TTC39C: variants seen among roughly 807,000 people sequenced by gnomAD.
The protein encoded by TTC39C is tetratricopeptide repeat protein 39C.
TTC39C carries 33 observed loss-of-function variants against 76.3 expected under a neutral mutation model. The observed-to-expected ratio is 0.43, with a 90% CI of 0.33 to 0.58. The LOEUF is 0.58. TTC39C is among the 20% of genes least tolerant of loss of function. The probability of loss-of-function intolerance (pLI) is 0.04; values close to 1 mark genes in which losing one functional copy is unlikely to be tolerated. For missense variants in TTC39C, 595 were observed against 701.4 expected (o/e 0.85, Z 1.71); for synonymous variants, 254 against 260.6 (o/e 0.97, Z 0.24).
At position 24,069,150 on chromosome 18, in the gene TTC39C, C is replaced by T. The variant is rs1347481891; in HGVS notation, c.346-7C>T. The T allele has an allele frequency of 6.2e-7, 1 of 1,610,898 alleles. No individual in the cohort carries two copies. The highest frequency in any genetic ancestry group is 8.5e-7 in the Non-Finnish European group (1 of 1,177,280). ...TTATCAGTGTGGACATTCTTTCTGC[C>T]AAACAGGTTGATGTCCGAAAATCCG... On this transcript the variant is annotated splice_polypyrimidine_tract_variant and splice_region_variant and intron_variant, in intron 3 of 13. Transcript: ENST00000317571.
intron 4 of TTC39C, among the ~76,000 whole-genome samples, chr18:24,075,454 TG>T (rs2084292418): frequency 6.6e-6 from 1 of 151,560 alleles, no homozygotes; most frequent in South Asian, 2.1e-4. Context: ...GAGGCCGAAG[TG>T]GGTGGATTGC....
At chr18:24,113,409 G>A in intron 6 of TTC39C, 1 of 593,582 alleles carries the variant, frequency 1.7e-6, no homozygotes, top group Admixed American at 3.0e-5. Context: ...TGAGAAGCCT[G>A]CAGCTTCTCC....
intron 1 of TTC39C, among the ~76,000 whole-genome samples, chr18:24,026,100 T>C (rs1236148114): frequency 6.6e-6 from 1 of 152,178 alleles, no homozygotes; most frequent in Non-Finnish European, 1.5e-5. Context: ...TCCCTTGCCA[T>C]GTGGATGGAG....
At chr18:24,029,360 T>G (rs1250071978) in intron 1 of TTC39C, among the ~76,000 whole-genome samples, 1 of 152,168 alleles carries the variant, frequency 6.6e-6, no homozygotes, top group African/African-American at 2.4e-5. Flanking sequence ...CCTTGGCTTC[T>G]TAAAGTGCTG....
chr18:24,061,728 C>T (rs1294548802), intron 1 of TTC39C, among the ~76,000 whole-genome samples: 1 of 151,612 alleles, frequency 6.6e-6, no homozygotes, highest in Non-Finnish European at 1.5e-5. Context: ...TATAGTGAAA[C>T]CCCGTCTGTA....
At chr18:24,010,406 C>T (rs1843842), upstream of TTC39C, among the ~76,000 whole-genome samples, 150,218 of 152,368 alleles carry the variant, frequency 0.99, 74,081 homozygotes, top group East Asian at 1. Context: ...GGCTAAAATA[C>T]GTAAGAAGGC....
In TTC39C at chr18:24,132,867, A is replaced by C. The variant is rs2085150631; in HGVS notation, c.*293A>C. 7.9e-6 allele frequency: 2 copies of C among 253,174 alleles called. No individual in the cohort carries two copies. The highest frequency in any genetic ancestry group is 1.6e-4 in the East Asian group (2 of 12,456). The allele number at this position is 253,174 out of a possible 1,614,324, so 15.7% of individuals were successfully genotyped here. ...TTTGTGATTTATTATTTTTAAAATA[A>C]AATCAAACGGAACATCCAACCCAAG... On this transcript the variant is annotated 3_prime_UTR_variant, in exon 14 of 14. Coordinates refer to ENST00000317571, the MANE Select transcript of TTC39C (RefSeq NM_001135993.2).
intron 6 of TTC39C, among the ~76,000 whole-genome samples, chr18:24,097,115 A>G (rs2084598943): frequency 6.6e-6 from 1 of 152,078 alleles, no homozygotes; most frequent in African/African-American, 2.4e-5. Flanking sequence ...ACAGTGGAGG[A>G]CTCTCTGGTG....
chr18:24,006,176 C>A (rs1173747221), intron 1 of TTC39C, among the ~76,000 whole-genome samples: 1 of 151,996 alleles, frequency 6.6e-6, no homozygotes, highest in African/African-American at 2.4e-5. Flanking sequence ...TCACGTCCAG[C>A]TAATTTTTGT....
chr18:24,132,655 A>T lies in TTC39C; in HGVS notation c.*81A>T, dbSNP rs2085147201. 1 of 1,236,852 alleles carries T rather than the reference A, an allele frequency of 8.1e-7. No individual in the cohort carries two copies. The highest frequency in any genetic ancestry group is 1.1e-6 in the Non-Finnish European group (1 of 882,694). The allele number at this position is 1,236,852 out of a possible 1,614,324, so 76.6% of individuals were successfully genotyped here. On this transcript the variant is annotated 3_prime_UTR_variant, in exon 14 of 14. Coordinates refer to ENST00000317571, the MANE Select transcript of TTC39C (RefSeq NM_001135993.2). ...AAAGCAGAGGACAAAGCTCTTGTGA[A>T]GATGGGCTTTTCTTCTGAAAACCAC...
intron 1 of TTC39C, among the ~76,000 whole-genome samples, chr18:24,023,979 TA>T (rs1568408988): frequency 0.053 from 540 of 10,280 alleles, 46 homozygotes; most frequent in Middle Eastern, 0.2. Context: ...TATATATATA[TA>T]CATATATATA....
intron 1 of TTC39C, among the ~76,000 whole-genome samples, chr18:24,055,730 GT>G (rs1409882394): frequency 6.6e-6 from 1 of 152,114 alleles, no homozygotes; most frequent in African/African-American, 2.4e-5. Flanking sequence ...AGGCACAGAA[GT>G]TTTAAATTTT....
intron 4 of TTC39C, among the ~76,000 whole-genome samples, chr18:24,078,554 C>T (rs769507256): frequency 6.6e-6 from 1 of 152,184 alleles, no homozygotes; most frequent in South Asian, 2.1e-4. Flanking sequence ...GGAAAAAGCA[C>T]ATGGGGTGGC....
intron 8 of TTC39C, among the ~76,000 whole-genome samples, chr18:24,119,014 A>G (rs957608353): frequency 6.6e-6 from 1 of 152,234 alleles, no homozygotes; most frequent in South Asian, 2.1e-4. Flanking sequence ...GGTCTGAGTC[A>G]TCTGCTCCAA....
intron 6 of TTC39C, among the ~76,000 whole-genome samples, chr18:24,102,110 A>C (rs1413757457): frequency 2.0e-5 from 3 of 152,240 alleles, no homozygotes; most frequent in Non-Finnish European, 4.4e-5. Context: ...AGGGTAAAGC[A>C]CTAAGCACAG....
intron 1 of TTC39C, among the ~76,000 whole-genome samples, chr18:24,007,202 G>A (rs1421114315): frequency 3.9e-5 from 6 of 152,180 alleles, no homozygotes; most frequent in Non-Finnish European, 8.8e-5. Flanking sequence ...CAATGCATAT[G>A]TCCTTGTAAA....
At chr18:24,026,485 T>C (rs554879994) in intron 1 of TTC39C, among the ~76,000 whole-genome samples, 29 of 152,260 alleles carry the variant, frequency 1.9e-4, no homozygotes, top group African/African-American at 6.7e-4. Flanking sequence ...TAGAAGTAAT[T>C]GGGAAAGGAA....
intron 1 of TTC39C, among the ~76,000 whole-genome samples, chr18:24,006,786 T>A (rs1470961399): frequency 6.6e-6 from 1 of 152,184 alleles, no homozygotes; most frequent in African/African-American, 2.4e-5. Context: ...CAGGAATAAA[T>A]GGATTCTGAC....
At chr18:24,049,848 A>G (rs1335119127) in intron 1 of TTC39C, among the ~76,000 whole-genome samples, 1 of 152,238 alleles carries the variant, frequency 6.6e-6, no homozygotes, top group African/African-American at 2.4e-5. Context: ...TATTTTCCCT[A>G]TTGTTATCTG....
Sources: allele counts gnomAD v4.1 joint callset (sites outside exome capture counted in the v4.1 genomes callset), GRCh38; gene constraint gnomAD v4.1.1; transcripts MANE v1.5; gene names NCBI Gene and HGNC (gene_info 2026-07-23, HGNC 2026-07-21).